Variants in SLC35F6 observed in about 807,000 individuals in gnomAD.
SLC35F6 encodes the protein ANT2-binding protein.
SLC35F6 carries 26 observed loss-of-function variants against 29.4 expected under a neutral mutation model. The ratio of observed to expected loss-of-function variants is 0.89; its 90% CI spans 0.65 to 1.23. The LOEUF is 1.23. Ranked by LOEUF, SLC35F6 falls within the 50% of genes most tolerant of loss-of-function variation. The probability of loss-of-function intolerance (pLI) is 0.00; values close to 1 mark genes in which losing one functional copy is unlikely to be tolerated. For synonymous variants in SLC35F6, 174 were observed against 206.6 expected, an observed-to-expected ratio of 0.84 and a Z score of 1.35; for missense variants, 428 against 487.8, an observed-to-expected ratio of 0.88 and a Z score of 1.15.
chr2:26,768,537 T>C (rs1664135179), intron 1 of SLC35F6, among the ~76,000 whole-genome samples: 1 of 151,998 alleles, frequency 6.6e-6, no homozygotes, highest in South Asian at 2.1e-4. Context: ...AATTTTTTTG[T>C]ATTTTTTTAG....
At chr2:26,770,803 G>A (rs1158436856) in intron 1 of SLC35F6, among the ~76,000 whole-genome samples, 1 of 152,224 alleles carries the variant, frequency 6.6e-6, no homozygotes, top group Non-Finnish European at 1.5e-5. Context: ...CACCTTAGGG[G>A]TCACTGCTGT....
Position 26,780,743 on chromosome 2 carries a change from G to A in SLC35F6, c.*2232G>A, listed in dbSNP as rs1664395456. ...TAGGTAACCACCCTGAAGAGAAGGG[G>A]TGGCATCAGGAACCGCAGGGAACCA... On this transcript the variant is annotated 3_prime_UTR_variant, in exon 6 of 6. Transcript: ENST00000344420. The A allele has an allele frequency of 6.6e-6, 1 of 152,314 alleles. No individual in the cohort carries two copies. Among genetic ancestry groups the A allele is most frequent in the Non-Finnish European group, 1.5e-5 (1 of 68,152 alleles). The allele number at this position is 152,314 out of a possible 1,614,324, so 9.4% of individuals were successfully genotyped here. A position where few individuals can be genotyped will look rare whatever the true frequency, so the allele number is the denominator to read the frequency against.
chr2:26,773,017 T>C (rs778808229), intron 1 of SLC35F6, among the ~76,000 whole-genome samples: 15 of 152,128 alleles, frequency 9.9e-5, no homozygotes, highest in Admixed American at 6.6e-5. Context: ...AAAGTCAGCA[T>C]TAGAAAGATC....
intron 2 of SLC35F6, 83 bp downstream of exon 2, chr2:26,774,406 C>G: frequency 6.6e-7 from 1 of 1,511,056 alleles, no homozygotes; most frequent in Non-Finnish European, 9.1e-7. Flanking sequence ...AGGCTGTTTC[C>G]TGACTTAGGA....
chr2:26,765,733 T>C (rs1449886232), intron 1 of SLC35F6, among the ~76,000 whole-genome samples: 4 of 152,224 alleles, frequency 2.6e-5, no homozygotes, highest in Admixed American at 2.0e-4. Flanking sequence ...TCTGGCCAAC[T>C]GTGCCTTGTG....
chr2:26,765,525 A>G (rs576035891), intron 1 of SLC35F6, among the ~76,000 whole-genome samples: 67 of 152,236 alleles, frequency 4.4e-4, no homozygotes, highest in African/African-American at 1.3e-3. Flanking sequence ...GCACGATCCC[A>G]TGTATAAGGT....
intron 1 of SLC35F6, among the ~76,000 whole-genome samples, chr2:26,767,845 AAAT>A (rs1195399587): frequency 6.6e-6 from 1 of 152,140 alleles, no homozygotes; most frequent in Non-Finnish European, 1.5e-5. Context: ...CGTTCTCTAC[AAAT>A]AATAATAATA....
At position 26,775,337 on chromosome 2, in the gene SLC35F6, C is replaced by T. The variant is rs1014264247; in HGVS notation, c.322+122C>T. Reference sequence around the variant, plus strand: ...CCACCATTCCCCCAGACTTCACACGCACAGGCACACAGGCAGGACTGATCG... The same window carrying T: ...CCACCATTCCCCCAGACTTCACACGTACAGGCACACAGGCAGGACTGATCG... On this transcript the variant is annotated intron_variant, in intron 3 of 5. Transcript: ENST00000344420. This position sits in a 1 kb window ranked among gnomAD's most constrained non-coding sequence, Gnocchi z 4.6. 22 of 1,510,834 alleles carry T rather than the reference C, an allele frequency of 1.5e-5. No homozygotes were observed. In the African/African-American group the frequency reaches 2.1e-4, roughly 14 times the overall value. The allele number at this position is 1,510,834 out of a possible 1,614,324, so 93.6% of individuals were successfully genotyped here. A position where few individuals can be genotyped will look rare whatever the true frequency, so the allele number is the denominator to read the frequency against.
chr2:26,767,756 A>G (rs552031767), intron 1 of SLC35F6, among the ~76,000 whole-genome samples: 5 of 152,234 alleles, frequency 3.3e-5, no homozygotes, highest in African/African-American at 9.6e-5. Context: ...CCAGCTTGTA[A>G]TCCCAGACTG....
Position 26,778,726 on chromosome 2 carries a change from G to A in SLC35F6, c.*215G>A, listed in dbSNP as rs1664353683. The A allele has an allele frequency of 3.6e-6, 2 of 561,958 alleles. No homozygotes were observed. The highest frequency in any genetic ancestry group is 6.3e-6 in the Non-Finnish European group (2 of 318,966). 34.8% of individuals were successfully genotyped at this position (561,958 alleles called of 1,614,324 possible). On this transcript the variant is annotated 3_prime_UTR_variant, in exon 6 of 6. Transcript: ENST00000344420. ...GGGTGGTGTTACCCAGCCCCCACAA[G>A]CCTGAGTGCAGTGGCAGACCTCAGC...
chr2:26,773,727 C>T (rs1664244838), intron 1 of SLC35F6, among the ~76,000 whole-genome samples: 1 of 151,442 alleles, frequency 6.6e-6, no homozygotes, highest in African/African-American at 2.4e-5. Context: ...AGTCTCATGC[C>T]TCAGCCTCCT....
intron 1 of SLC35F6, among the ~76,000 whole-genome samples, chr2:26,765,321 G>A (rs1297903910): frequency 2.0e-5 from 3 of 151,814 alleles, no homozygotes; most frequent in Admixed American, 6.6e-5. Flanking sequence ...CAGCTCTGAT[G>A]TATGGGGGTG....
chr2:26,764,329 C>G lies in SLC35F6; in HGVS notation c.-21C>G, dbSNP rs951717880. On this transcript the variant is annotated 5_prime_UTR_variant, in exon 1 of 6. Transcript: ENST00000344420. ...CGGGGCCCGGCGCCGCTAACTGGAG[C>G]GAACCCCAGCGTCCGCCGACATGGC... 4 of 1,548,870 alleles carry G rather than the reference C, an allele frequency of 2.6e-6. No individual in the cohort carries two copies. Among genetic ancestry groups the G allele is most frequent in the Middle Eastern group, 1.7e-4 (1 of 5,912 alleles).
chr2:26,764,680 C>A, intron 1 of SLC35F6: 1 of 638,884 alleles, frequency 1.6e-6, no homozygotes, highest in Non-Finnish European at 1.9e-6. Flanking sequence ...CGTCTTTTAA[C>A]AGGAGGGTTG....
At position 26,774,920 on chromosome 2, in the gene SLC35F6, T is replaced by C. The variant is rs1664269500; in HGVS notation, c.151-124T>C. ...CCTCCATGGCAGCTCTGCATTTGTCTATTTTACATATTGGGGTTCTGGGTA... is the reference window on the plus strand; with the variant it reads ...CCTCCATGGCAGCTCTGCATTTGTCCATTTTACATATTGGGGTTCTGGGTA... On this transcript the variant is annotated intron_variant, in intron 2 of 5. Coordinates refer to ENST00000344420, the MANE Select transcript of SLC35F6 (RefSeq NM_017877.4). 11 of 1,177,620 alleles carry C rather than the reference T, an allele frequency of 9.3e-6. 2 individuals are homozygous for C. The South Asian group carries it at 1.8e-4, about 19-fold the overall frequency. 72.9% of individuals were successfully genotyped at this position (1,177,620 alleles called of 1,614,324 possible). A position where few individuals can be genotyped will look rare whatever the true frequency, so the allele number is the denominator to read the frequency against.
chr2:26,776,487 G>A lies in SLC35F6; in HGVS notation c.646+5G>A, dbSNP rs759160557. ...TGCGGGCAGTTGGCACTGAGGGTGT[G>A]TGTGGGCACAGGGGCCTGGAAGGAG... On this transcript the variant is annotated splice_donor_5th_base_variant and intron_variant, in intron 5 of 5. Transcript: ENST00000344420. 1 of 1,613,780 alleles carries A rather than the reference G, an allele frequency of 6.2e-7. No homozygotes were observed. The highest frequency in any genetic ancestry group is 1.1e-5 in the South Asian group (1 of 91,072).
At position 26,778,151 on chromosome 2, in the gene SLC35F6, C is replaced by T. The variant is rs570029630; in HGVS notation, c.756C>T (p.Ala252=). ...PRGTLEDALD[A]FCQVGQQPLI... ...GGACACTGGAGGATGCATTGGACGC[C>T]TTCTGCCAGGTGGGCCAGCAGCCGC... Residue 252 remains alanine, a synonymous_variant, in exon 6 of 6, where the codon GCC becomes GCT. Coordinates refer to ENST00000344420, the MANE Select transcript of SLC35F6 (RefSeq NM_017877.4). 2 of 1,614,232 alleles carry T rather than the reference C, an allele frequency of 1.2e-6. No individual in the cohort carries two copies. The highest frequency in any genetic ancestry group is 2.7e-5 in the African/African-American group (2 of 75,060).
intron 1 of SLC35F6, among the ~76,000 whole-genome samples, chr2:26,773,613 CTT>C (rs770979613): frequency 1.4e-5 from 2 of 138,320 alleles, no homozygotes; most frequent in South Asian, 2.3e-4. Context: ...TATAGATATG[CTT>C]TTTTTTTTTT....
rs560036659 is a variant in SLC35F6 at position 26,770,972 on chromosome 2, A to G, written c.78-3279A>G. 3.9e-5 allele frequency among the ~76,000 whole-genome samples: 6 copies of G among 152,336 alleles called. No individual in the cohort carries two copies. In the South Asian group the frequency reaches 1.0e-3, roughly 26 times the overall value. On this transcript the variant is annotated intron_variant, in intron 1 of 5. Transcript: ENST00000344420. Reference sequence around the variant, plus strand: ...CAGGCCTGAGCATCTCAGGCTGGGCAAGGCAGCCCATGCTGCTGACACCCA... The same window carrying G: ...CAGGCCTGAGCATCTCAGGCTGGGCGAGGCAGCCCATGCTGCTGACACCCA...
Sources: allele counts gnomAD v4.1 joint callset (sites outside exome capture counted in the v4.1 genomes callset), GRCh38; gene constraint gnomAD v4.1.1; non-coding constraint Gnocchi (gnomAD v3.1); transcripts MANE v1.5; gene names NCBI Gene and HGNC (gene_info 2026-07-23, HGNC 2026-07-21).